Variants in SLC9A2 observed in about 807,000 individuals in gnomAD.
The protein encoded by SLC9A2 is solute carrier family 9 member A2, also known as sodium/hydrogen exchanger 2.
Under a neutral mutation model 71.7 loss-of-function variants are expected in SLC9A2, and 42 were observed. The observed-to-expected ratio is 0.59, with a 90% CI of 0.46 to 0.76. SLC9A2 has a LOEUF of 0.76. SLC9A2 is among the 30% of genes least tolerant of loss of function. SLC9A2 has a pLI of 0.00. For missense variants in SLC9A2, 829 were observed against 1,017.4 expected (o/e 0.81, Z 2.52); for synonymous variants, 396 against 392.5 (o/e 1.01, Z -0.10).
intron 1 of SLC9A2, among the ~76,000 whole-genome samples, chr2:102,621,160 T>C (rs1309903099): frequency 3.3e-5 from 5 of 151,346 alleles, no homozygotes; most frequent in Non-Finnish European, 7.4e-5. Context: ...TCTCAAAAAT[T>C]AATCAATCAA....
At chr2:102,658,932 A>G (rs1313235040) in intron 2 of SLC9A2, among the ~76,000 whole-genome samples, 2 of 152,222 alleles carry the variant, frequency 1.3e-5, no homozygotes. Context: ...TAAAGGTGAC[A>G]GTAATGATAG....
intron 3 of SLC9A2, among the ~76,000 whole-genome samples, chr2:102,675,025 T>C (rs1192527206): frequency 6.6e-6 from 1 of 152,206 alleles, no homozygotes; most frequent in African/African-American, 2.4e-5. Flanking sequence ...TTTGGAGAAC[T>C]GTCATGGGAT....
At chr2:102,683,917 T>C (rs79629822) in intron 4 of SLC9A2, among the ~76,000 whole-genome samples, 3,381 of 152,230 alleles carry the variant, frequency 0.022, 133 homozygotes, top group African/African-American at 0.075. Context: ...TTAGTTTGTC[T>C]TGTCTTCTCT....
intron 1 of SLC9A2, among the ~76,000 whole-genome samples, chr2:102,657,214 A>AAAT (rs1553425683): frequency 4.6e-5 from 7 of 151,452 alleles, no homozygotes; most frequent in South Asian, 2.1e-4. Context: ...TCAAAAAAAA[A>AAAT]AATAATAATA....
chr2:102,675,252 C>G (rs1677327549), intron 3 of SLC9A2, among the ~76,000 whole-genome samples: 1 of 152,124 alleles, frequency 6.6e-6, no homozygotes, highest in Non-Finnish European at 1.5e-5. Flanking sequence ...GAGGGACATT[C>G]TGGGTAGAGG....
intron 1 of SLC9A2, among the ~76,000 whole-genome samples, chr2:102,628,763 G>A (rs182171207): frequency 6.6e-6 from 1 of 151,890 alleles, no homozygotes; most frequent in African/African-American, 2.4e-5. Context: ...TGCCTTGGCC[G>A]CTCTCAAACT....
chr2:102,696,848 A>AT (rs1476997117), intron 7 of SLC9A2, among the ~76,000 whole-genome samples: 1 of 152,120 alleles, frequency 6.6e-6, no homozygotes, highest in Non-Finnish European at 1.5e-5. Flanking sequence ...TTGTAAAACT[A>AT]TTTTTTAAAT....
At chr2:102,655,825 C>T (rs373144037) in intron 1 of SLC9A2, among the ~76,000 whole-genome samples, 51 of 152,358 alleles carry the variant, frequency 3.3e-4, no homozygotes, top group African/African-American at 1.2e-3. Flanking sequence ...GCTCAGGGCA[C>T]TGGCATTTGG....
chr2:102,625,299 A>G (rs1393311985), intron 1 of SLC9A2, among the ~76,000 whole-genome samples: 1 of 152,130 alleles, frequency 6.6e-6, no homozygotes, highest in Non-Finnish European at 1.5e-5. Context: ...GTGTTTTTGT[A>G]CCCTTTAAAA....
At chr2:102,695,732 T>A (rs545987270) in intron 7 of SLC9A2, among the ~76,000 whole-genome samples, 72 of 144,932 alleles carry the variant, frequency 5.0e-4, no homozygotes, top group Non-Finnish European at 5.8e-4. Flanking sequence ...CATCTAAGGA[T>A]GTAAACAGAT....
chr2:102,643,566 A>G (rs1020513086), intron 1 of SLC9A2, among the ~76,000 whole-genome samples: 2 of 152,106 alleles, frequency 1.3e-5, no homozygotes, highest in African/African-American at 2.4e-5. Context: ...GAGAGACAAA[A>G]AGAAGACCCA....
intron 3 of SLC9A2, among the ~76,000 whole-genome samples, chr2:102,668,192 C>T (rs1424062792): frequency 1.3e-5 from 2 of 152,182 alleles, no homozygotes; most frequent in Non-Finnish European, 2.9e-5. Flanking sequence ...CCCAAAATTA[C>T]CATGTGCACC....
rs962406267 is a variant in SLC9A2, at chr2:102,654,926, A to G, written c.290-2638A>G. ...ATCTAGACATAGAAAAGGCATCATA[A>G]AAATGTAGTATAAAGGATTAAAAGT... is the stretch of plus-strand genomic sequence containing the variant. On this transcript the variant is annotated intron_variant, in intron 1 of 11. Coordinates refer to ENST00000233969, the MANE Select transcript of SLC9A2 (RefSeq NM_003048.6). Among the ~76,000 whole-genome samples, 9 of 152,200 alleles carry G rather than the reference A, an allele frequency of 5.9e-5. No individual in the cohort carries two copies. In the East Asian group the frequency reaches 1.2e-3, roughly 20 times the overall value.
At chr2:102,672,084 G>T (rs1186218668) in intron 3 of SLC9A2, among the ~76,000 whole-genome samples, 1 of 151,872 alleles carries the variant, frequency 6.6e-6, no homozygotes, top group Non-Finnish European at 1.5e-5. Flanking sequence ...ACTCCAGCCT[G>T]GGAGACAAAG....
Position 102,640,489 on chromosome 2 carries a change from C to T in SLC9A2, c.290-17075C>T, listed in dbSNP as rs115468690. Among the ~76,000 whole-genome samples, 584 of 152,252 alleles carry T rather than the reference C, an allele frequency of 3.8e-3. 4 individuals carry two copies. The highest frequency in any genetic ancestry group is 0.013 in the African/African-American group (552 of 41,544). ...GGGAGTCCCCTGACCTGCTCAGGTT[C>T]GATCATTTGCTATAATAGCTCACAG... is the stretch of plus-strand genomic sequence containing the variant. On this transcript the variant is annotated intron_variant, in intron 1 of 11. Transcript: ENST00000233969.
intron 1 of SLC9A2, among the ~76,000 whole-genome samples, chr2:102,623,869 G>A (rs548138412): frequency 6.6e-6 from 1 of 152,166 alleles, no homozygotes; most frequent in East Asian, 1.9e-4. Context: ...TTTGTAGGGG[G>A]TTTAAATAAT....
chr2:102,636,194 G>A (rs765464409), intron 1 of SLC9A2, among the ~76,000 whole-genome samples: 2 of 152,138 alleles, frequency 1.3e-5, no homozygotes, highest in Non-Finnish European at 2.9e-5. Flanking sequence ...ATAAGCAAAT[G>A]GGAAGACAAA....
intron 5 of SLC9A2, among the ~76,000 whole-genome samples, chr2:102,687,012 T>C (rs1276715602): frequency 1.3e-5 from 2 of 152,220 alleles, no homozygotes; most frequent in East Asian, 1.9e-4. Context: ...GGGAGACATC[T>C]GGGGATCATT....
intron 3 of SLC9A2, among the ~76,000 whole-genome samples, chr2:102,679,288 C>T (rs548886382): frequency 6.6e-6 from 1 of 151,976 alleles, no homozygotes; most frequent in Non-Finnish European, 1.5e-5. Context: ...CTCTTGGTAT[C>T]GTGTTAAGGA....
Sources: gnomAD v4.1 joint callset for allele counts (sites outside exome capture counted in the v4.1 genomes callset) on GRCh38, gnomAD v4.1.1 for gene constraint, MANE v1.5 for transcripts, NCBI Gene and HGNC (gene_info 2026-07-23, HGNC 2026-07-21) for gene names.